Variants in TRNAU1AP observed in about 807,000 individuals in gnomAD.
TRNAU1AP encodes the protein tRNA selenocysteine 1 associated protein 1.
TRNAU1AP carries 33 observed loss-of-function variants against 43.3 expected under a neutral mutation model. That is an observed-to-expected ratio of 0.76 (90% CI 0.58 to 1.02). TRNAU1AP has a LOEUF of 1.02. Ranked by LOEUF, TRNAU1AP falls within the 50% of genes least tolerant of loss-of-function variation. TRNAU1AP has a pLI of 0.00. For missense variants in TRNAU1AP, 290 were observed against 362.7 expected (o/e 0.80, Z 1.63); for synonymous variants, 143 against 129.1 (o/e 1.11, Z -0.73).
chr1:28,553,805 C>A, intron 2 of TRNAU1AP, 68 bp downstream of exon 2: 1 of 1,392,898 alleles, frequency 7.2e-7, no homozygotes. Flanking sequence ...ATGTAAACAT[C>A]GTAGTCATGG....
intron 2 of TRNAU1AP, among the ~76,000 whole-genome samples, chr1:28,556,175 G>A (rs1195597846): frequency 6.6e-6 from 1 of 151,762 alleles, no homozygotes; most frequent in Non-Finnish European, 1.5e-5. Context: ...TAAAACACTG[G>A]CATAGGCTGG....
chr1:28,561,169 T>C, intron 3 of TRNAU1AP, 177 bp from the exon 4 acceptor site: 3 of 1,433,976 alleles, frequency 2.1e-6, no homozygotes, highest in Non-Finnish European at 2.7e-6. Context: ...ACCATGGAGC[T>C]GGCAGTGCCC....
chr1:28,578,186 T>C lies in TRNAU1AP; in HGVS notation c.*550T>C, dbSNP rs540907030. 4 of 158,122 alleles carry C rather than the reference T, an allele frequency of 2.5e-5. No individual in the cohort carries two copies. The highest frequency in any genetic ancestry group is 9.6e-5 in the African/African-American group (4 of 41,584). 9.8% of individuals were successfully genotyped at this position (158,122 alleles called of 1,614,324 possible). ...TGCTCTAATAATGGGTTTCATCTATTTTCATGAGTTGCAGCATCTGCATAT... is the reference window on the plus strand; with the variant it reads ...TGCTCTAATAATGGGTTTCATCTATCTTCATGAGTTGCAGCATCTGCATAT... On this transcript the variant is annotated 3_prime_UTR_variant, in exon 9 of 9. Coordinates refer to ENST00000373830, the MANE Select transcript of TRNAU1AP (RefSeq NM_017846.5).
chr1:28,574,482 A>T (rs1436416336), intron 8 of TRNAU1AP: 1 of 152,126 alleles, frequency 6.6e-6, no homozygotes, highest in African/African-American at 2.4e-5. Flanking sequence ...TACTTGGGGG[A>T]GGCTGAGGCA....
chr1:28,572,750 C>G (rs1197806668), intron 8 of TRNAU1AP, among the ~76,000 whole-genome samples: 1 of 150,868 alleles, frequency 6.6e-6, no homozygotes, highest in Admixed American at 6.6e-5. Flanking sequence ...CTGGCTAACA[C>G]GGTGAAACCC....
At chr1:28,555,951 T>G (rs2124185591) in intron 2 of TRNAU1AP, among the ~76,000 whole-genome samples, 1 of 151,970 alleles carries the variant, frequency 6.6e-6, no homozygotes, top group South Asian at 2.1e-4. Context: ...CCTCCTGGGT[T>G]CAAGCCATTC....
At chr1:28,563,692 A>T (rs978821021) in intron 4 of TRNAU1AP, among the ~76,000 whole-genome samples, 6 of 151,532 alleles carry the variant, frequency 4.0e-5, no homozygotes, top group African/African-American at 1.2e-4. Context: ...TCAAAAAAAA[A>T]AAAAAGGAAA....
chr1:28,570,867 C>T (rs938704284), intron 6 of TRNAU1AP, among the ~76,000 whole-genome samples: 2 of 152,036 alleles, frequency 1.3e-5, no homozygotes, highest in African/African-American at 4.8e-5. Context: ...AGATCGAGAC[C>T]AGCCTGGCTA....
chr1:28,561,184 C>T lies in TRNAU1AP; in HGVS notation c.226-162C>T, dbSNP rs1028683901. ...ACCATGGAGCTGGCAGTGCCCTTAG[C>T]GGTCATCCGTGCAACCCCCTCATTT... On this transcript the variant is annotated intron_variant, in intron 3 of 8. Transcript: ENST00000373830. 5.2e-5 allele frequency: 76 copies of T among 1,452,454 alleles called. No homozygotes were observed. In the East Asian group the frequency reaches 9.9e-4, roughly 19 times the overall value. 90.0% of individuals were successfully genotyped at this position (1,452,454 alleles called of 1,614,324 possible).
intron 8 of TRNAU1AP, among the ~76,000 whole-genome samples, chr1:28,572,179 A>G (rs1043373648): frequency 6.6e-6 from 1 of 151,902 alleles, no homozygotes; most frequent in African/African-American, 2.4e-5. Context: ...GCCTCTAACG[A>G]TAATACTGTT....
At position 28,571,667 on chromosome 1, in the gene TRNAU1AP, C is replaced by G. The variant is rs993327344; in HGVS notation, c.694-200C>G. 3.9e-5 allele frequency among the ~76,000 whole-genome samples: 6 copies of G among 152,092 alleles called. No homozygotes were observed. The East Asian group carries it at 1.2e-3, about 29-fold the overall frequency. ...GCATAGTGGCAGGCGCCTATAATCC[C>G]AGCTGCTCAGGAGACTGAGGCAGGA... On this transcript the variant is annotated intron_variant, in intron 7 of 8. Coordinates refer to ENST00000373830, the MANE Select transcript of TRNAU1AP (RefSeq NM_017846.5).
intron 2 of TRNAU1AP, 86 bp downstream of exon 2, chr1:28,553,823 C>A: frequency 8.6e-7 from 1 of 1,166,052 alleles, no homozygotes; most frequent in Non-Finnish European, 1.3e-6. Context: ...TGGCTTCTCA[C>A]TACCCCTAGT....
At chr1:28,560,123 C>T (rs1024171631) in intron 2 of TRNAU1AP, among the ~76,000 whole-genome samples, 2 of 151,982 alleles carry the variant, frequency 1.3e-5, no homozygotes, top group Admixed American at 6.6e-5. Flanking sequence ...TAAATAAATA[C>T]AGATAAACGA....
intron 8 of TRNAU1AP, among the ~76,000 whole-genome samples, chr1:28,572,967 T>TAATGAA (rs1189380546): frequency 2.7e-4 from 40 of 150,628 alleles, no homozygotes; most frequent in African/African-American, 8.7e-4. Context: ...TAGTAAAGTA[T>TAATGAA]AATGAAACTG....
chr1:28,561,293 C>A, intron 3 of TRNAU1AP, 53 bp from the exon 4 acceptor site: 2 of 1,610,192 alleles, frequency 1.2e-6, no homozygotes, highest in South Asian at 2.2e-5. Flanking sequence ...AAATATTGTT[C>A]AACTCTTGAA....
chr1:28,564,210 G>C (rs1485974840), intron 4 of TRNAU1AP, among the ~76,000 whole-genome samples: 3 of 152,072 alleles, frequency 2.0e-5, no homozygotes, highest in Non-Finnish European at 1.5e-5. Flanking sequence ...AAGTTGAAGT[G>C]ACCCCAGATC....
At chr1:28,561,765 C>T (rs1665409176) in intron 4 of TRNAU1AP, among the ~76,000 whole-genome samples, 1 of 152,134 alleles carries the variant, frequency 6.6e-6, no homozygotes, top group South Asian at 2.1e-4. Context: ...TGGCAAAACC[C>T]TGTCTCTACA....
intron 3 of TRNAU1AP, chr1:28,560,974 C>A: frequency 8.8e-7 from 1 of 1,139,196 alleles, no homozygotes; most frequent in South Asian, 1.9e-5. Flanking sequence ...CTCCCAAATC[C>A]ATGCCTTTCC....
chr1:28,564,988 G>A (rs933956815), intron 5 of TRNAU1AP, 154 bp downstream of exon 5: 5 of 830,538 alleles, frequency 6.0e-6, no homozygotes, highest in Non-Finnish European at 9.9e-6. Context: ...CAATACAGGT[G>A]AGGGAGAATG....
Sources: gnomAD v4.1 joint callset for allele counts (sites outside exome capture counted in the v4.1 genomes callset) on GRCh38, gnomAD v4.1.1 for gene constraint, MANE v1.5 for transcripts, NCBI Gene and HGNC (gene_info 2026-07-23, HGNC 2026-07-21) for gene names.